Variants in OPHN1 observed in about 807,000 individuals in gnomAD.
The protein encoded by OPHN1 is oligophrenin 1.
OPHN1 carries 11 observed loss-of-function variants against 60.7 expected under a neutral mutation model. That is an observed-to-expected ratio of 0.18 (90% CI 0.11 to 0.30). The LOEUF is 0.30. Ranked by LOEUF, OPHN1 falls within the 10% of genes least tolerant of loss-of-function variation. The probability of loss-of-function intolerance (pLI) is 1.00; values close to 1 mark genes in which losing one functional copy is unlikely to be tolerated. For missense variants in OPHN1, 449 were observed against 611.0 expected, an observed-to-expected ratio of 0.73 and a Z score of 2.80; for synonymous variants, 226 against 222.6, an observed-to-expected ratio of 1.02 and a Z score of -0.14.
chrX:68,123,533 G>C lies in OPHN1; in HGVS notation c.1277-4201C>G, dbSNP rs1426502842. Among the ~76,000 whole-genome samples, 4 of 111,926 alleles carry C rather than the reference G, an allele frequency of 3.6e-5. No individual in the cohort carries two copies. In the Admixed American group the frequency reaches 3.8e-4, roughly 11 times the overall value. Reference sequence around the variant, plus strand: ...TAACTCCAACAACTTTAAAGACATAGAGAGTACAACAAGACATAAATGGAA... The same window carrying C: ...TAACTCCAACAACTTTAAAGACATACAGAGTACAACAAGACATAAATGGAA... On this transcript the variant is annotated intron_variant, in intron 15 of 24. Coordinates refer to ENST00000355520, the MANE Select transcript of OPHN1 (RefSeq NM_002547.3).
rs1186516065 is a variant in OPHN1 at position 68,221,531 on chromosome X, C to A, written c.487-7559G>T. Among the ~76,000 whole-genome samples, 7 of 91,731 alleles carry A rather than the reference C, an allele frequency of 7.6e-5. No individual in the cohort carries two copies. The East Asian group carries it at 1.9e-3, about 24-fold the overall frequency. 79.7% of individuals were successfully genotyped at this position (91,731 alleles called of 115,157 possible). A position where few individuals can be genotyped will look rare whatever the true frequency, so the allele number is the denominator to read the frequency against. On this transcript the variant is annotated intron_variant, in intron 6 of 24. Transcript: ENST00000355520. ...TCACGCTACCTGACTTCAAACTATACTACAAAGCTACAGTAACCAAAACAG... is the reference window on the plus strand; with the variant it reads ...TCACGCTACCTGACTTCAAACTATAATACAAAGCTACAGTAACCAAAACAG...
At chrX:68,077,595 G>A (rs1276598545) in intron 19 of OPHN1, among the ~76,000 whole-genome samples, 1 of 111,548 alleles carries the variant, frequency 9.0e-6, no homozygotes, top group Non-Finnish European at 1.9e-5. Flanking sequence ...TTCAAAAATA[G>A]TTTTGTGTGT....
intron 8 of OPHN1, 59 bp downstream of exon 8, chrX:68,212,049 A>G: frequency 1.2e-6 from 1 of 844,194 alleles, no homozygotes; most frequent in Non-Finnish European, 1.7e-6. Flanking sequence ...CAAGGTCGCT[A>G]GGGCTGAAAT....
intron 15 of OPHN1, among the ~76,000 whole-genome samples, chrX:68,144,184 A>AT (rs979348615): frequency 9.2e-6 from 1 of 109,271 alleles, no homozygotes; most frequent in Admixed American, 9.8e-5. Context: ...ACACCTGGTT[A>AT]TTTTTTTTAA....
chrX:68,206,789 C>A, intron 9 of OPHN1, 116 bp from the exon 10 acceptor site: 1 of 589,667 alleles, frequency 1.7e-6, no homozygotes, highest in Non-Finnish European at 2.9e-6. Context: ...TCAGATCCAG[C>A]CCTGCCCTTG....
chrX:68,297,990 T>C (rs1339282726), intron 3 of OPHN1, among the ~76,000 whole-genome samples: 3 of 111,911 alleles, frequency 2.7e-5, no homozygotes, highest in Non-Finnish European at 5.6e-5. Flanking sequence ...CTTTTATATA[T>C]TATTAAAATT....
chrX:68,273,724 G>A (rs1055311615), intron 5 of OPHN1, among the ~76,000 whole-genome samples: 6 of 112,038 alleles, frequency 5.4e-5, no homozygotes, highest in Non-Finnish European at 1.9e-5. Context: ...AATGTAAAGA[G>A]TATGGAACGT....
intron 9 of OPHN1, among the ~76,000 whole-genome samples, chrX:68,207,875 G>C (rs1223336538): frequency 9.0e-6 from 1 of 110,712 alleles, no homozygotes. Context: ...GGACAACAGG[G>C]GTAAAGCAGG....
intron 2 of OPHN1, among the ~76,000 whole-genome samples, chrX:68,373,366 C>T (rs1265616896): frequency 1.8e-5 from 2 of 112,234 alleles, no homozygotes; most frequent in Admixed American, 1.9e-4. Flanking sequence ...CAACATCTTG[C>T]TTTATTCACA....
intron 6 of OPHN1, among the ~76,000 whole-genome samples, chrX:68,230,653 C>T (rs1291755574): frequency 9.3e-6 from 1 of 108,063 alleles, no homozygotes; most frequent in African/African-American, 3.4e-5. Flanking sequence ...TCTGAGCAAA[C>T]TATCGCAAGG....
intron 15 of OPHN1, among the ~76,000 whole-genome samples, chrX:68,124,687 C>T (rs1294257957): frequency 9.1e-6 from 1 of 110,343 alleles, no homozygotes; most frequent in Admixed American, 9.6e-5. Context: ...GACAAGGTCT[C>T]ACTCCACCAC....
Position 68,377,411 on chromosome X carries a change from TTTTTTTA to T in OPHN1, c.154+55449_154+55455del, listed in dbSNP as rs1330805883. 6.5e-5 allele frequency among the ~76,000 whole-genome samples: 7 copies of T among 108,412 alleles called. No individual in the cohort carries two copies. The East Asian group carries it at 1.4e-3, about 22-fold the overall frequency. The allele number at this position is 108,412 out of a possible 115,157, so 94.1% of individuals were successfully genotyped here. On this transcript the variant is annotated intron_variant, in intron 2 of 24. Coordinates refer to ENST00000355520, the MANE Select transcript of OPHN1 (RefSeq NM_002547.3). ...GCACCCAGCCTTCTCTTTTTTTTTA[TTTTTTTA>T]TTTTTTATTTTTTATTATTATTATT...
At position 68,317,380 on chromosome X, in the gene OPHN1, G is replaced by GAAAGAAAGAAAGAAAGAAAGA. The variant is rs397961005; in HGVS notation, c.155-18285_155-18284insTCTTTCTTTCTTTCTTTCTTT. 2.7e-3 allele frequency among the ~76,000 whole-genome samples: 70 copies of GAAAGAAAGAAAGAAAGAAAGA among 26,049 alleles called. 1 individual carries two copies. The highest frequency in any genetic ancestry group is 6.4e-3 in the Admixed American group (11 of 1,712). 22.6% of individuals were successfully genotyped at this position (26,049 alleles called of 115,157 possible). A position where few individuals can be genotyped will look rare whatever the true frequency, so the allele number is the denominator to read the frequency against. ...GAAAGAAAGAAAGAAAGAAAGAAAG[G>GAAAGAAAGAAAGAAAGAAAGA]AAGGAAGGAAGGAAGGAAGGAAGGA... On this transcript the variant is annotated intron_variant, in intron 2 of 24. Coordinates refer to ENST00000355520, the MANE Select transcript of OPHN1 (RefSeq NM_002547.3).
At chrX:68,109,320 T>C (rs1251630494) in intron 18 of OPHN1, among the ~76,000 whole-genome samples, 1 of 111,867 alleles carries the variant, frequency 8.9e-6, no homozygotes, top group Admixed American at 9.5e-5. Context: ...ATGCTTTTAG[T>C]GTTTATCCAT....
chrX:68,220,517 A>G (rs1283332213), intron 6 of OPHN1, among the ~76,000 whole-genome samples: 5 of 101,960 alleles, frequency 4.9e-5, no homozygotes, highest in African/African-American at 1.8e-4. Flanking sequence ...ATGAACATTG[A>G]TGCAAAAATC....
intron 2 of OPHN1, among the ~76,000 whole-genome samples, chrX:68,375,630 G>A (rs2078552868): frequency 9.0e-6 from 1 of 110,806 alleles, no homozygotes; most frequent in Non-Finnish European, 1.9e-5. Flanking sequence ...TGTCCAGGAT[G>A]GTCTTGAACT....
At chrX:68,212,325 G>A (rs1340679511) in intron 7 of OPHN1, 113 bp from the exon 8 acceptor site, 2 of 539,615 alleles carry the variant, frequency 3.7e-6, no homozygotes, top group Non-Finnish European at 6.3e-6. Context: ...GGTGGCTTAT[G>A]CCTGTAATCC....
intron 2 of OPHN1, among the ~76,000 whole-genome samples, chrX:68,427,716 C>T (rs1409788918): frequency 9.1e-6 from 1 of 110,110 alleles, no homozygotes; most frequent in Non-Finnish European, 1.9e-5. Context: ...CCTCTATTTT[C>T]CTAGCCCATT....
intron 15 of OPHN1, among the ~76,000 whole-genome samples, chrX:68,151,332 C>T (rs1454386202): frequency 9.8e-5 from 11 of 111,978 alleles, no homozygotes; most frequent in African/African-American, 3.6e-4. Context: ...AGTTTGTCAT[C>T]GTATATTCAA....
Sources: gnomAD v4.1 joint callset for allele counts (sites outside exome capture counted in the v4.1 genomes callset) on GRCh38, gnomAD v4.1.1 for gene constraint, MANE v1.5 for transcripts, NCBI Gene and HGNC (gene_info 2026-07-23, HGNC 2026-07-21) for gene names.